Variants in TMEM132C observed in about 807,000 individuals in gnomAD.
TMEM132C encodes transmembrane protein 132C.
TMEM132C carries 29 observed loss-of-function variants against 61.4 expected under a neutral mutation model. That is an observed-to-expected ratio of 0.47 (90% CI 0.35 to 0.64). The LOEUF is 0.64. TMEM132C is among the 30% of genes least tolerant of loss of function. The pLI, the probability that TMEM132C is intolerant of heterozygous loss-of-function variation, is 0.00. For synonymous variants in TMEM132C, 656 were observed against 633.1 expected (o/e 1.04, Z -0.54); for missense variants, 1,408 against 1,476.9 (o/e 0.95, Z 0.76).
chr12:128,502,206 G>A (rs1190080252), intron 2 of TMEM132C, among the ~76,000 whole-genome samples: 1 of 152,216 alleles, frequency 6.6e-6, no homozygotes, highest in Non-Finnish European at 1.5e-5. Flanking sequence ...AAGTGACAGA[G>A]GCTGCCCTGC....
At chr12:128,654,245 T>A (rs901242113) in intron 4 of TMEM132C, among the ~76,000 whole-genome samples, 2 of 152,086 alleles carry the variant, frequency 1.3e-5, no homozygotes, top group Non-Finnish European at 2.9e-5. Flanking sequence ...GAGATTTGGA[T>A]AGAGCCACGG....
chr12:128,584,357 C>A (rs1593108982), intron 3 of TMEM132C, among the ~76,000 whole-genome samples: 2 of 152,290 alleles, frequency 1.3e-5, no homozygotes, highest in South Asian at 2.1e-4. Flanking sequence ...CCAGGAAGCC[C>A]CCCTTCAATT....
intron 5 of TMEM132C, among the ~76,000 whole-genome samples, chr12:128,689,297 A>C (rs1367520450): frequency 6.6e-6 from 1 of 152,174 alleles, no homozygotes; most frequent in African/African-American, 2.4e-5. Flanking sequence ...TGTGGTGAGA[A>C]CATTCAAAAT....
intron 5 of TMEM132C, among the ~76,000 whole-genome samples, chr12:128,692,095 C>A (rs1954724786): frequency 6.6e-6 from 1 of 152,078 alleles, no homozygotes; most frequent in Non-Finnish European, 1.5e-5. Flanking sequence ...GTTCATGTGT[C>A]TGTCCATCAG....
intron 1 of TMEM132C, among the ~76,000 whole-genome samples, chr12:128,396,460 G>A (rs1157166621): frequency 1.5e-5 from 2 of 133,748 alleles, no homozygotes; most frequent in Admixed American, 7.2e-5. Flanking sequence ...TGCACGCGGG[G>A]CCTAAAACCT....
chr12:128,492,420 C>T (rs975029868), intron 2 of TMEM132C, among the ~76,000 whole-genome samples: 5 of 152,178 alleles, frequency 3.3e-5, no homozygotes, highest in Non-Finnish European at 5.9e-5. Flanking sequence ...CCTGAGGAAT[C>T]GCCACACTGT....
chr12:128,648,088 T>G (rs1954227519), intron 4 of TMEM132C, among the ~76,000 whole-genome samples: 6 of 146,960 alleles, frequency 4.1e-5, no homozygotes, highest in South Asian at 2.2e-4. Context: ...GTTTACTAGA[T>G]CCCATCAGCA....
Position 128,328,346 on chromosome 12 carries a change from T to G in TMEM132C, c.85+60859T>G, listed in dbSNP as rs77591683. On this transcript the variant is annotated intron_variant, in intron 1 of 8. Transcript: ENST00000435159. ...ATAAGACCAAATTGGGATGAGGGGA[T>G]GACACTGACTGTGGGGAAGGAACTG... Among the ~76,000 whole-genome samples the G allele has an allele frequency of 5.1e-4, 77 of 152,280 alleles. No homozygotes were observed. The East Asian group carries it at 0.014, about 29-fold the overall frequency.
intron 5 of TMEM132C, among the ~76,000 whole-genome samples, chr12:128,670,389 TCTAA>T (rs1463964201): frequency 2.0e-5 from 3 of 152,194 alleles, no homozygotes; most frequent in African/African-American, 4.8e-5. Context: ...CCTTCTCCTG[TCTAA>T]CTGATATTTT....
chr12:128,404,019 TGG>T (rs1264048637), intron 1 of TMEM132C, among the ~76,000 whole-genome samples: 3 of 152,182 alleles, frequency 2.0e-5, no homozygotes, highest in Non-Finnish European at 4.4e-5. Context: ...GAACCATCCC[TGG>T]CTCCTACCGA....
intron 1 of TMEM132C, among the ~76,000 whole-genome samples, chr12:128,268,675 G>A (rs1242088945): frequency 1.3e-5 from 2 of 152,126 alleles, no homozygotes; most frequent in Non-Finnish European, 2.9e-5. Flanking sequence ...GGCTGAGCTA[G>A]AAATGCGTTC....
At chr12:128,533,438 G>A (rs567797343) in intron 2 of TMEM132C, among the ~76,000 whole-genome samples, 20 of 152,312 alleles carry the variant, frequency 1.3e-4, no homozygotes, top group African/African-American at 4.8e-4. Context: ...AGACTGAGGG[G>A]CTTGAAGGAT....
At chr12:128,505,008 C>CTTTACGTAGTAA (rs1555228160) in intron 2 of TMEM132C, among the ~76,000 whole-genome samples, 1 of 152,080 alleles carries the variant, frequency 6.6e-6, no homozygotes, top group African/African-American at 2.4e-5. Context: ...TTACTTACTA[C>CTTTACGTAGTAA]GTAAATATGA....
At chr12:128,489,562 C>CATATATATATATAT (rs10654008) in intron 2 of TMEM132C, among the ~76,000 whole-genome samples, 17,264 of 137,500 alleles carry the variant, frequency 0.13, 1,240 homozygotes, top group Middle Eastern at 0.2. Flanking sequence ...TTTATATGCT[C>CATATATATATATAT]ATATATATAT....
chr12:128,584,505 G>T (rs906506432), intron 3 of TMEM132C, among the ~76,000 whole-genome samples: 10 of 152,192 alleles, frequency 6.6e-5, no homozygotes, highest in African/African-American at 2.4e-4. Flanking sequence ...GACACTGTTA[G>T]GGTCTGGGGT....
rs1464857478 is a variant in TMEM132C, at chr12:128,630,550, T to C, written c.1305+14215T>C. Among the ~76,000 whole-genome samples the C allele has an allele frequency of 6.6e-6, 1 of 152,064 alleles. No individual in the cohort carries two copies. Among genetic ancestry groups the C allele is most frequent in the East Asian group, 1.9e-4 (1 of 5,174 alleles). ...CCCCTCTGAGCTTTCCCCACTCCCTTTGCAGTCTCATCTCTGCCAGACACG... is the reference window on the plus strand; with the variant it reads ...CCCCTCTGAGCTTTCCCCACTCCCTCTGCAGTCTCATCTCTGCCAGACACG... On this transcript the variant is annotated intron_variant, in intron 4 of 8. Transcript: ENST00000435159. This position sits in a 1 kb window ranked among gnomAD's most constrained non-coding sequence, Gnocchi z 4.3.
chr12:128,583,515 A>G (rs1009309757), intron 3 of TMEM132C, among the ~76,000 whole-genome samples: 4 of 152,222 alleles, frequency 2.6e-5, no homozygotes, highest in African/African-American at 9.6e-5. Context: ...ACCTTAAATC[A>G]GACTGGTGTT....
At chr12:128,549,410 C>T (rs565772694) in intron 3 of TMEM132C, among the ~76,000 whole-genome samples, 5 of 152,152 alleles carry the variant, frequency 3.3e-5, no homozygotes, top group African/African-American at 1.2e-4. Context: ...ACCATCACCC[C>T]CCGGCGCGTC....
At chr12:128,439,964 G>A (rs1284191299) in intron 2 of TMEM132C, among the ~76,000 whole-genome samples, 2 of 152,196 alleles carry the variant, frequency 1.3e-5, no homozygotes, top group Non-Finnish European at 2.9e-5. Flanking sequence ...GGGCATGTCT[G>A]GCTGCTTCAT....
Sources: gnomAD v4.1 joint callset for allele counts (sites outside exome capture counted in the v4.1 genomes callset) on GRCh38, gnomAD v4.1.1 for gene constraint, Gnocchi (gnomAD v3.1) non-coding constraint, MANE v1.5 for transcripts, NCBI Gene and HGNC (gene_info 2026-07-23, HGNC 2026-07-21) for gene names.